The following TENM2 variants were observed in gnomAD, a reference collection of about 807,000 sequenced individuals.
TENM2 encodes the protein teneurin transmembrane protein 2.
Under a neutral mutation model 245.2 loss-of-function variants are expected in TENM2, and 52 were observed. The ratio of observed to expected loss-of-function variants is 0.21; its 90% CI spans 0.17 to 0.27. The LOEUF is 0.27. Among genes scored for constraint, TENM2 ranks in the 10% least tolerant of loss-of-function variants. TENM2 has a pLI of 1.00. For synonymous variants in TENM2, 1,363 were observed against 1,438.9 expected (o/e 0.95, Z 1.19); for missense variants, 3,046 against 3,666.8 (o/e 0.83, Z 4.37).
At chr5:168,033,201 G>A (rs1787290491) in intron 5 of TENM2, 1 of 152,150 alleles carries the variant, frequency 6.6e-6, no homozygotes, top group Non-Finnish European at 1.5e-5. Flanking sequence ...GCAAACACAA[G>A]TGCTAAAAAG....
intron 3 of TENM2, among the ~76,000 whole-genome samples, chr5:167,895,291 T>C (rs904398880): frequency 1.3e-5 from 2 of 152,124 alleles, no homozygotes; most frequent in Non-Finnish European, 2.9e-5. Context: ...AGACTAATCT[T>C]TGATGGCATA....
At chr5:167,473,098 T>C (rs1767140401) in intron 2 of TENM2, among the ~76,000 whole-genome samples, 1 of 152,222 alleles carries the variant, frequency 6.6e-6, no homozygotes, top group African/African-American at 2.4e-5. Flanking sequence ...TTTGCCATTT[T>C]CCCAGCTCTG....
intron 26 of TENM2, among the ~76,000 whole-genome samples, 158 bp from the exon 29 acceptor site, chr5:168,246,599 G>T (rs535275495): frequency 6.6e-6 from 1 of 152,246 alleles, no homozygotes; most frequent in African/African-American, 2.4e-5. Context: ...ATCAAAATTG[G>T]CATGTCCAGT....
chr5:167,877,950 C>T (rs749229991), intron 3 of TENM2, among the ~76,000 whole-genome samples: 9 of 152,116 alleles, frequency 5.9e-5, no homozygotes, highest in Admixed American at 6.5e-5. Flanking sequence ...GGACAAGAGG[C>T]TTTTGAAATG....
the TENM2 span, among the ~76,000 whole-genome samples, chr5:167,028,287 CA>C: frequency 6.6e-6 from 1 of 152,030 alleles, no homozygotes; most frequent in Non-Finnish European, 1.5e-5. Context: ...TTACAAGACA[CA>C]TAAAAATGAA....
the TENM2 span, among the ~76,000 whole-genome samples, chr5:167,049,973 A>G: frequency 1.3e-5 from 2 of 152,202 alleles, no homozygotes; most frequent in Non-Finnish European, 2.9e-5. Flanking sequence ...GTAGGAACCA[A>G]TTAAAGTTAC....
At chr5:167,632,134 G>C (rs1361961683) in intron 2 of TENM2, among the ~76,000 whole-genome samples, 2 of 152,136 alleles carry the variant, frequency 1.3e-5, no homozygotes, top group African/African-American at 4.8e-5. Flanking sequence ...CCCTGTAGAT[G>C]TTGCTTTTTA....
At chr5:167,476,634 T>C (rs1447623122) in intron 2 of TENM2, among the ~76,000 whole-genome samples, 1 of 152,178 alleles carries the variant, frequency 6.6e-6, no homozygotes, top group East Asian at 1.9e-4. Flanking sequence ...TTTCACTCTT[T>C]GTTGCCCAGG....
At chr5:167,286,975 G>T (rs186249430) in intron 1 of TENM2, among the ~76,000 whole-genome samples, 304 of 152,164 alleles carry the variant, frequency 2.0e-3, no homozygotes, top group Non-Finnish European at 3.5e-3. Context: ...CACACATGCC[G>T]CATGTTGTTA....
the TENM2 span, among the ~76,000 whole-genome samples, chr5:167,228,588 T>C: frequency 6.6e-6 from 1 of 152,130 alleles, no homozygotes; most frequent in Non-Finnish European, 1.5e-5. Context: ...CTTTTTGTTC[T>C]GATCTGTTGC....
At chr5:168,112,528 C>T (rs530047110) in intron 9 of TENM2, among the ~76,000 whole-genome samples, 1 of 143,492 alleles carries the variant, frequency 7.0e-6, no homozygotes, top group Admixed American at 7.5e-5. Context: ...CCATCCATGT[C>T]CCTGCAAAGG....
At chr5:168,038,172 A>T (rs140588809) in intron 5 of TENM2, among the ~76,000 whole-genome samples, 1 of 152,310 alleles carries the variant, frequency 6.6e-6, no homozygotes, top group African/African-American at 2.4e-5. Context: ...CATCTGCAAG[A>T]TGGGAAAGCA....
intron 2 of TENM2, among the ~76,000 whole-genome samples, chr5:167,606,696 A>G (rs1777080330): frequency 6.6e-6 from 1 of 152,070 alleles, no homozygotes; most frequent in Admixed American, 6.6e-5. Context: ...AGCCCACGAG[A>G]TTTGCATTTA....
At chr5:168,196,650 C>T (rs548185356) in intron 15 of TENM2, among the ~76,000 whole-genome samples, 43 of 152,202 alleles carry the variant, frequency 2.8e-4, no homozygotes, top group Non-Finnish European at 4.9e-4. Context: ...TTAGTAGAGA[C>T]GGGGTTTCAC....
chr5:167,140,065 G>C, the TENM2 span, among the ~76,000 whole-genome samples: 2 of 152,034 alleles, frequency 1.3e-5, no homozygotes, highest in African/African-American at 4.8e-5. Flanking sequence ...CTAAAACGTG[G>C]CAAAATTCTA....
chr5:167,026,087 T>TA, the TENM2 span, among the ~76,000 whole-genome samples: 1 of 152,200 alleles, frequency 6.6e-6, no homozygotes, highest in Non-Finnish European at 1.5e-5. Flanking sequence ...TTAATATATA[T>TA]TTTAAGATAC....
chr5:167,111,877 A>T, the TENM2 span, among the ~76,000 whole-genome samples: 1 of 152,202 alleles, frequency 6.6e-6, no homozygotes. Context: ...ATTATGCCTC[A>T]TCCAAATTAC....
intron 2 of TENM2, among the ~76,000 whole-genome samples, chr5:167,603,015 T>C (rs1242754686): frequency 1.3e-5 from 2 of 152,062 alleles, no homozygotes; most frequent in Non-Finnish European, 2.9e-5. Flanking sequence ...GAATAAGAAT[T>C]GTAAGATGGG....
At chr5:167,738,664 C>CT (rs1382707489) in intron 2 of TENM2, among the ~76,000 whole-genome samples, 1 of 152,142 alleles carries the variant, frequency 6.6e-6, no homozygotes, top group Non-Finnish European at 1.5e-5. Flanking sequence ...CCTGTCAGTT[C>CT]TGGAGGCTGG....
Sources: allele counts gnomAD v4.1 joint callset (sites outside exome capture counted in the v4.1 genomes callset), GRCh38; gene constraint gnomAD v4.1.1; transcripts MANE v1.5; gene names NCBI Gene and HGNC (gene_info 2026-07-23, HGNC 2026-07-21).